Variants in SLC2A13 observed in about 807,000 individuals in gnomAD.
SLC2A13 encodes the protein proton myo-inositol cotransporter.
SLC2A13 carries 32 observed loss-of-function variants against 64.4 expected under a neutral mutation model. The observed-to-expected ratio is 0.50, with a 90% confidence interval of 0.37 to 0.67. The LOEUF is 0.67. SLC2A13 is among the 30% of genes least tolerant of loss of function. The pLI is 0.00. For missense variants in SLC2A13, 743 were observed against 829.2 expected, an observed-to-expected ratio of 0.90 and a Z score of 1.28; for synonymous variants, 338 against 327.1, an observed-to-expected ratio of 1.03 and a Z score of -0.36.
chr12:39,923,144 T>C (rs566256055), intron 4 of SLC2A13, among the ~76,000 whole-genome samples: 15 of 151,810 alleles, frequency 9.9e-5, no homozygotes, highest in South Asian at 8.3e-4. Flanking sequence ...TCCTCAAAAA[T>C]TGGAAGAAAA....
intron 2 of SLC2A13, among the ~76,000 whole-genome samples, chr12:40,045,836 T>G (rs1948163173): frequency 6.6e-6 from 1 of 152,200 alleles, no homozygotes; most frequent in South Asian, 2.1e-4. Flanking sequence ...TTGGAAATCA[T>G]GTGTTGTCCC....
At chr12:39,830,073 T>A (rs1193618818) in intron 7 of SLC2A13, 30 bp downstream of exon 7, 1 of 1,612,552 alleles carries the variant, frequency 6.2e-7, no homozygotes, top group African/African-American at 1.3e-5. Flanking sequence ...AATATTATTA[T>A]ATATTCGTAT....
chr12:39,892,208 T>C (rs1944629814), intron 4 of SLC2A13, among the ~76,000 whole-genome samples: 1 of 152,234 alleles, frequency 6.6e-6, no homozygotes, highest in Admixed American at 6.5e-5. Context: ...TTTCTGTAAT[T>C]AATAAGGCTG....
At chr12:39,823,352 G>A (rs1367891887) in intron 7 of SLC2A13, among the ~76,000 whole-genome samples, 4 of 151,978 alleles carry the variant, frequency 2.6e-5, no homozygotes, top group Non-Finnish European at 5.9e-5. Flanking sequence ...CATCAATCCT[G>A]TACATGAGTA....
At chr12:39,821,531 C>CA (rs1484063852) in intron 7 of SLC2A13, among the ~76,000 whole-genome samples, 1 of 152,098 alleles carries the variant, frequency 6.6e-6, no homozygotes, top group Non-Finnish European at 1.5e-5. Flanking sequence ...GTGGGATTTA[C>CA]AAAACCCAAG....
At chr12:39,829,158 T>A (rs900549840) in intron 7 of SLC2A13, among the ~76,000 whole-genome samples, 32 of 152,052 alleles carry the variant, frequency 2.1e-4, no homozygotes, top group African/African-American at 7.7e-4. Flanking sequence ...ACATTTTATA[T>A]GTCTGGATAT....
At chr12:39,911,020 G>T (rs1414927381) in intron 4 of SLC2A13, among the ~76,000 whole-genome samples, 3 of 152,080 alleles carry the variant, frequency 2.0e-5, no homozygotes, top group Non-Finnish European at 2.9e-5. Flanking sequence ...GGAGGTGTAG[G>T]TTGCAGTGAG....
At chr12:40,085,259 T>A (rs1044667683) in intron 1 of SLC2A13, among the ~76,000 whole-genome samples, 1 of 152,146 alleles carries the variant, frequency 6.6e-6, no homozygotes, top group Non-Finnish European at 1.5e-5. Flanking sequence ...AACCAAACTG[T>A]TTTCTGATTT....
At chr12:39,802,690 TAC>T (rs1941834012) in intron 7 of SLC2A13, among the ~76,000 whole-genome samples, 1 of 152,140 alleles carries the variant, frequency 6.6e-6, no homozygotes, top group African/African-American at 2.4e-5. Context: ...TGTCTATGTA[TAC>T]ACACATAGTT....
intron 4 of SLC2A13, among the ~76,000 whole-genome samples, chr12:39,933,859 T>A (rs988634664): frequency 1.3e-4 from 20 of 152,150 alleles, no homozygotes; most frequent in African/African-American, 4.8e-4. Context: ...TATCATGCCA[T>A]CTACAAATAA....
At chr12:40,101,154 G>A (rs1237078342) in intron 1 of SLC2A13, among the ~76,000 whole-genome samples, 4 of 151,052 alleles carry the variant, frequency 2.6e-5, no homozygotes. Flanking sequence ...ATAAACTAGA[G>A]GAACCAAAGA....
chr12:39,770,363 G>A (rs1045080760), intron 7 of SLC2A13, among the ~76,000 whole-genome samples: 1 of 152,084 alleles, frequency 6.6e-6, no homozygotes, highest in Non-Finnish European at 1.5e-5. Flanking sequence ...ACAACGAAAT[G>A]ACCTCTCCAG....
chr12:39,799,606 G>T (rs1295161748), intron 7 of SLC2A13, among the ~76,000 whole-genome samples: 1 of 152,228 alleles, frequency 6.6e-6, no homozygotes, highest in South Asian at 2.1e-4. Context: ...CAAACCAGGG[G>T]TTAGCTAAAA....
intron 7 of SLC2A13, among the ~76,000 whole-genome samples, chr12:39,825,112 T>G (rs527393707): frequency 6.6e-6 from 1 of 152,212 alleles, no homozygotes; most frequent in Non-Finnish European, 1.5e-5. Flanking sequence ...TCTATCTAGC[T>G]ATTTTAGTGT....
intron 1 of SLC2A13, among the ~76,000 whole-genome samples, chr12:40,077,313 T>C (rs1378780307): frequency 6.6e-6 from 1 of 152,188 alleles, no homozygotes; most frequent in East Asian, 1.9e-4. Context: ...TGTTCTATCT[T>C]GAGTTGATTT....
intron 3 of SLC2A13, among the ~76,000 whole-genome samples, chr12:39,972,603 A>G (rs1183080864): frequency 1.3e-5 from 2 of 152,094 alleles, no homozygotes; most frequent in East Asian, 3.9e-4. Flanking sequence ...CTCTCCCTCA[A>G]TCCCAACGTC....
chr12:39,782,658 G>GA (rs1941035034), intron 7 of SLC2A13, among the ~76,000 whole-genome samples: 1 of 152,146 alleles, frequency 6.6e-6, no homozygotes, highest in Non-Finnish European at 1.5e-5. Flanking sequence ...ACTTGACATT[G>GA]GAACTGGGTA....
chr12:40,032,707 T>C (rs988501309), intron 2 of SLC2A13, among the ~76,000 whole-genome samples: 7 of 152,184 alleles, frequency 4.6e-5, no homozygotes, highest in Non-Finnish European at 7.4e-5. Context: ...ACCAAACAGG[T>C]TCTTCACTGA....
At chr12:39,942,460 T>G (rs1946049362) in intron 4 of SLC2A13, among the ~76,000 whole-genome samples, 1 of 152,158 alleles carries the variant, frequency 6.6e-6, no homozygotes, top group South Asian at 2.1e-4. Flanking sequence ...GTATTTTATA[T>G]TTTTTTGCAG....
Sources: allele counts gnomAD v4.1 joint callset (sites outside exome capture counted in the v4.1 genomes callset), GRCh38; gene constraint gnomAD v4.1.1; transcripts MANE v1.5; gene names NCBI Gene and HGNC (gene_info 2026-07-23, HGNC 2026-07-21).